Variants in THSD4 observed in about 807,000 individuals in gnomAD.
THSD4 encodes thrombospondin type-1 domain-containing protein 4.
In THSD4, 69 loss-of-function variants were observed where a neutral mutation model predicts 119.0. That is an observed-to-expected ratio of 0.58 (90% CI 0.48 to 0.71). The LOEUF (loss-of-function observed/expected upper bound fraction) is 0.71, where lower values mean the gene tolerates loss of function less well. Among genes scored for constraint, THSD4 ranks in the 30% least tolerant of loss-of-function variants. THSD4 has a pLI of 0.00. For missense variants in THSD4, 1,393 were observed against 1,391.1 expected, an observed-to-expected ratio of 1.00 and a Z score of -0.02; for synonymous variants, 524 against 540.4, an observed-to-expected ratio of 0.97 and a Z score of 0.42.
At chr15:71,588,435 T>G (rs2049730139) in intron 7 of THSD4, among the ~76,000 whole-genome samples, 2 of 152,100 alleles carry the variant, frequency 1.3e-5, no homozygotes, top group Non-Finnish European at 1.5e-5. Flanking sequence ...ATTTATTTAT[T>G]TTTCTGAGAC....
chr15:71,429,642 G>A (rs113850582), intron 7 of THSD4, among the ~76,000 whole-genome samples: 175 of 152,326 alleles, frequency 1.1e-3, no homozygotes, highest in Non-Finnish European at 2.1e-3. Context: ...GAAAGACCAT[G>A]AGGTTGCTTC....
chr15:71,403,719 C>A (rs1312395933), intron 6 of THSD4, among the ~76,000 whole-genome samples: 1 of 152,208 alleles, frequency 6.6e-6, no homozygotes, highest in Non-Finnish European at 1.5e-5. Context: ...TCAATAAAAG[C>A]AGTAGATCTC....
In THSD4 at chr15:71,417,472, C is replaced by A. The variant is rs537408643; in HGVS notation, c.1152+5649C>A. On this transcript the variant is annotated intron_variant, in intron 7 of 17. Transcript: ENST00000261862. ...GCATATGGATTTCCAGTTTTCCCAGCACCATTTTTTTTGAGGAGACTGTCC... is the reference window on the plus strand; with the variant it reads ...GCATATGGATTTCCAGTTTTCCCAGAACCATTTTTTTTGAGGAGACTGTCC... Among the ~76,000 whole-genome samples, 6 of 108,274 alleles carry A rather than the reference C, an allele frequency of 5.5e-5. 2 individuals are homozygous for A. Among genetic ancestry groups the A allele is most frequent in the Non-Finnish European group, 1.2e-4 (6 of 49,252 alleles). The allele number at this position is 108,274 out of a possible 152,430, so 71.0% of individuals were successfully genotyped here. A position where few individuals can be genotyped will look rare whatever the true frequency, so the allele number is the denominator to read the frequency against.
intron 6 of THSD4, among the ~76,000 whole-genome samples, chr15:71,409,155 T>G (rs75094555): frequency 1.4e-5 from 2 of 145,114 alleles, no homozygotes; most frequent in Middle Eastern, 7.2e-3. Context: ...CTTTTTTTTT[T>G]CCCCCCCCCT....
chr15:71,544,647 A>G (rs1227568435), intron 7 of THSD4, among the ~76,000 whole-genome samples: 1 of 152,166 alleles, frequency 6.6e-6, no homozygotes, highest in African/African-American at 2.4e-5. Context: ...CAGTGATTCT[A>G]CTCCTAGATA....
chr15:71,557,990 GTTTA>G (rs1312515462), intron 7 of THSD4, among the ~76,000 whole-genome samples: 2 of 151,922 alleles, frequency 1.3e-5, no homozygotes, highest in Non-Finnish European at 1.5e-5. Flanking sequence ...CTTTCCGCGG[GTTTA>G]TTTATGTCAT....
At chr15:71,162,075 G>C (rs956847034) in intron 3 of THSD4, among the ~76,000 whole-genome samples, 7 of 151,876 alleles carry the variant, frequency 4.6e-5, no homozygotes, top group Non-Finnish European at 1.0e-4. Context: ...TGCATCTTTT[G>C]TATGTTCCTC....
At chr15:71,531,844 A>G (rs2140815319) in intron 7 of THSD4, among the ~76,000 whole-genome samples, 1 of 152,338 alleles carries the variant, frequency 6.6e-6, no homozygotes, top group African/African-American at 2.4e-5. Flanking sequence ...GAAACTGGGC[A>G]GAAGACGCCT....
chr15:71,648,418 T>A (rs2051015146), intron 7 of THSD4, among the ~76,000 whole-genome samples: 1 of 152,204 alleles, frequency 6.6e-6, no homozygotes, highest in Non-Finnish European at 1.5e-5. Context: ...CAGTCTCCCT[T>A]GCTCTGTTTC....
chr15:71,540,484 A>G (rs1271897267), intron 7 of THSD4, among the ~76,000 whole-genome samples: 1 of 133,610 alleles, frequency 7.5e-6, no homozygotes, highest in African/African-American at 2.9e-5. Flanking sequence ...GCTGGAGTGC[A>G]GTGGCAGGAT....
At chr15:71,309,778 C>T (rs748255882) in intron 6 of THSD4, among the ~76,000 whole-genome samples, 1 of 152,186 alleles carries the variant, frequency 6.6e-6, no homozygotes. Flanking sequence ...CTCTTGTTGA[C>T]CGTATATGTA....
chr15:71,574,729 G>A (rs1188485051), intron 7 of THSD4, among the ~76,000 whole-genome samples: 1 of 152,090 alleles, frequency 6.6e-6, no homozygotes, highest in Non-Finnish European at 1.5e-5. Context: ...CTAAACATGA[G>A]GTCTTATATC....
intron 7 of THSD4, among the ~76,000 whole-genome samples, chr15:71,441,952 T>A (rs1034086008): frequency 3.3e-5 from 5 of 151,860 alleles, no homozygotes; most frequent in African/African-American, 1.2e-4. Context: ...TGCTATCTTT[T>A]TTGTTTTGTT....
chr15:71,644,916 G>A (rs28499231), intron 7 of THSD4, among the ~76,000 whole-genome samples: 3,690 of 138,758 alleles, frequency 0.027, 128 homozygotes, highest in African/African-American at 0.085. Flanking sequence ...CGGCAATAAC[G>A]GTTCAAAATG....
At position 71,564,848 on chromosome 15, in the gene THSD4, T is replaced by C. The variant is rs556913249; in HGVS notation, c.1153-95682T>C. On this transcript the variant is annotated intron_variant, in intron 7 of 17. Transcript: ENST00000261862. ...ATACTATATATTGTATATTATAACATATAATACAATATATTGTATATTATA... is the reference window on the plus strand; with the variant it reads ...ATACTATATATTGTATATTATAACACATAATACAATATATTGTATATTATA... Among the ~76,000 whole-genome samples the C allele has an allele frequency of 5.2e-5, 5 of 96,796 alleles. No homozygotes were observed. The South Asian group carries it at 1.2e-3, about 24-fold the overall frequency. The allele number at this position is 96,796 out of a possible 152,430, so 63.5% of individuals were successfully genotyped here.
At chr15:71,235,380 G>A (rs1300464704) in intron 4 of THSD4, among the ~76,000 whole-genome samples, 3 of 152,142 alleles carry the variant, frequency 2.0e-5, no homozygotes, top group Non-Finnish European at 4.4e-5. Flanking sequence ...TTATTCATTA[G>A]ACATAGTAAA....
At chr15:71,159,554 T>A (rs548086587) in intron 3 of THSD4, among the ~76,000 whole-genome samples, 9 of 152,160 alleles carry the variant, frequency 5.9e-5, no homozygotes, top group Non-Finnish European at 1.3e-4. Context: ...TGTACCATTG[T>A]TAATGTAATT....
chr15:71,531,710 A>G (rs950373288), intron 7 of THSD4, among the ~76,000 whole-genome samples: 3 of 152,244 alleles, frequency 2.0e-5, no homozygotes, highest in African/African-American at 7.2e-5. Flanking sequence ...TCAAGCACTC[A>G]TTAAATGTTG....
intron 7 of THSD4, among the ~76,000 whole-genome samples, chr15:71,658,267 C>T (rs1995338): frequency 0.26 from 39,674 of 152,134 alleles, 5,961 homozygotes; most frequent in East Asian, 0.7. Flanking sequence ...TCTCCAGCCT[C>T]GTATTATCCC....
Sources: gnomAD v4.1 joint callset for allele counts (sites outside exome capture counted in the v4.1 genomes callset) on GRCh38, gnomAD v4.1.1 for gene constraint, MANE v1.5 for transcripts, NCBI Gene and HGNC (gene_info 2026-07-23, HGNC 2026-07-21) for gene names.